The following PLAC1 variants were observed in gnomAD, a reference collection of about 807,000 sequenced individuals.
PLAC1 encodes the protein placenta associated 1.
For missense variants in PLAC1, 136 were observed against 163.2 expected (o/e 0.83, Z 0.91); for synonymous variants, 68 against 62.1 (o/e 1.09, Z -0.44).
chrX:134,567,931 T>C (rs1363918460), intron 2 of PLAC1, among the ~76,000 whole-genome samples: 1 of 111,785 alleles, frequency 8.9e-6, no homozygotes, highest in Admixed American at 9.5e-5. Flanking sequence ...TAGCTTTTTA[T>C]TGTTTTCTTT....
intron 2 of PLAC1, among the ~76,000 whole-genome samples, chrX:134,669,146 A>T (rs2078446601): frequency 8.9e-6 from 1 of 111,812 alleles, no homozygotes; most frequent in Non-Finnish European, 1.9e-5. Flanking sequence ...GGCCCATCCC[A>T]TCTTTCCAGG....
chrX:134,744,617 C>T (rs184260034), intron 1 of PLAC1, among the ~76,000 whole-genome samples: 39 of 112,039 alleles, frequency 3.5e-4, no homozygotes, highest in Middle Eastern at 4.6e-3. Flanking sequence ...TTTTGTCCAT[C>T]GGAATAACGT....
At chrX:134,688,286 T>C (rs1026400596) in intron 2 of PLAC1, among the ~76,000 whole-genome samples, 2 of 111,925 alleles carry the variant, frequency 1.8e-5, no homozygotes, top group African/African-American at 6.5e-5. Flanking sequence ...TTTCATTCAC[T>C]GAGCAAGTAT....
intron 2 of PLAC1, among the ~76,000 whole-genome samples, chrX:134,589,199 C>T (rs2078022183): frequency 9.0e-6 from 1 of 111,485 alleles, no homozygotes; most frequent in South Asian, 3.8e-4. Flanking sequence ...AAAGTGCAGC[C>T]TCCTCTCAAA....
exon 2 of PLAC1, chrX:134,733,512 T>C (rs1272588231): frequency 8.9e-6 from 1 of 111,876 alleles, no homozygotes; most frequent in Non-Finnish European, 1.9e-5. Context: ...AGTCTCGTTT[T>C]CTTTGTCCTG....
intron 1 of PLAC1, among the ~76,000 whole-genome samples, chrX:134,624,993 A>G (rs1358513356): frequency 1.8e-5 from 2 of 111,786 alleles, no homozygotes; most frequent in Non-Finnish European, 3.8e-5. Flanking sequence ...AGGTGCAACT[A>G]CAGCTAGACT....
chrX:134,691,336 G>A (rs931112588), intron 2 of PLAC1, among the ~76,000 whole-genome samples: 1 of 109,561 alleles, frequency 9.1e-6, no homozygotes, highest in African/African-American at 3.3e-5. Flanking sequence ...GGATCTGTTC[G>A]AGGAAACCAA....
intron 1 of PLAC1, among the ~76,000 whole-genome samples, chrX:134,622,867 C>T (rs1179417853): frequency 8.9e-6 from 1 of 111,818 alleles, no homozygotes; most frequent in African/African-American, 3.3e-5. Context: ...GATGGCCAGC[C>T]ACTCTTTTCC....
At position 134,566,297 on chromosome X, in the gene PLAC1, G is replaced by A. The variant is rs745537968; in HGVS notation, c.386C>T (p.Ser129Phe). The change falls in exon 3 of 3, where the codon TCC (serine) becomes TTC (phenylalanine). Residue 129 changes from serine to phenylalanine, a missense_variant. Ser to Phe is a radical substitution (Grantham distance 155). Transcript: ENST00000359237. ...QKSPWLTKPC[S>F]MRVASKSRAT... is the part of the protein sequence containing the mutation. ...CCTGCTCTTGCTGGCTACTCTCATG[G>A]AGCAGGGCTTGGTGAGCCATGGGGA... is the stretch of plus-strand genomic sequence containing the variant. 5.0e-6 allele frequency: 6 copies of A among 1,212,023 alleles called. No individual in the cohort carries two copies. Among genetic ancestry groups the A allele is most frequent in the Non-Finnish European group, 6.7e-6 (6 of 895,586 alleles).
chrX:134,661,818 G>A (rs1039555071), upstream of PLAC1, among the ~76,000 whole-genome samples: 31 of 112,401 alleles, frequency 2.8e-4, no homozygotes, highest in African/African-American at 1.0e-3. Context: ...GTTGAAATTT[G>A]TTATGGTCAC....
intron 1 of PLAC1, among the ~76,000 whole-genome samples, chrX:134,744,626 G>A (rs1206116769): frequency 8.9e-6 from 1 of 112,178 alleles, no homozygotes; most frequent in East Asian, 2.8e-4. Flanking sequence ...TCGGAATAAC[G>A]TCCTGATTGT....
chrX:134,749,769 G>A (rs2078736803), intron 1 of PLAC1, among the ~76,000 whole-genome samples: 1 of 111,423 alleles, frequency 9.0e-6, no homozygotes, highest in Non-Finnish European at 1.9e-5. Flanking sequence ...AAGCTGTATT[G>A]CAATAAGCAT....
At chrX:134,680,379 C>T (rs1439844088) in intron 2 of PLAC1, among the ~76,000 whole-genome samples, 3 of 111,349 alleles carry the variant, frequency 2.7e-5, no homozygotes, top group Non-Finnish European at 5.6e-5. Flanking sequence ...CATAGCTACT[C>T]TATCACACTG....
chrX:134,762,652 A>AC (rs1212309745), intron 1 of PLAC1, among the ~76,000 whole-genome samples: 1 of 108,117 alleles, frequency 9.2e-6, no homozygotes, highest in African/African-American at 3.4e-5. Flanking sequence ...ACATGGTGAA[A>AC]CCCCGTCTCT....
At chrX:134,703,138 A>G (rs926497202) in intron 2 of PLAC1, among the ~76,000 whole-genome samples, 1 of 112,066 alleles carries the variant, frequency 8.9e-6, no homozygotes, top group Non-Finnish European at 1.9e-5. Context: ...CAGAAACTGT[A>G]AATTGAAAGC....
intron 1 of PLAC1, among the ~76,000 whole-genome samples, chrX:134,736,471 C>T (rs1047420423): frequency 8.2e-5 from 9 of 109,725 alleles, no homozygotes; most frequent in Admixed American, 5.9e-4. Context: ...AGCCCCAAAC[C>T]GCCCCCACCG....
intron 2 of PLAC1, among the ~76,000 whole-genome samples, chrX:134,684,468 C>T (rs1174906121): frequency 1.9e-5 from 2 of 105,152 alleles, no homozygotes; most frequent in South Asian, 9.0e-4. Flanking sequence ...TTTTCATTTA[C>T]ATTTCTGCTG....
chrX:134,739,650 C>T (rs767145408), intron 1 of PLAC1, among the ~76,000 whole-genome samples: 3 of 112,741 alleles, frequency 2.7e-5, no homozygotes, highest in East Asian at 2.8e-4. Context: ...TTGGGGTGTC[C>T]GTGCCAGAAT....
chrX:134,732,086 G>GA (rs770667507), intron 2 of PLAC1, among the ~76,000 whole-genome samples: 2 of 111,594 alleles, frequency 1.8e-5, no homozygotes, highest in East Asian at 5.7e-4. Flanking sequence ...GAACTAGAGG[G>GA]ATGCCTTCCA....
Sources: allele counts gnomAD v4.1 joint callset (sites outside exome capture counted in the v4.1 genomes callset), GRCh38; gene constraint gnomAD v4.1.1; transcripts MANE v1.5; gene names NCBI Gene and HGNC (gene_info 2026-07-23, HGNC 2026-07-21).